The following DDAH1 variants were observed in gnomAD, a reference collection of about 807,000 sequenced individuals.
DDAH1 encodes the protein dimethylarginine dimethylaminohydrolase 1, also known as N(G),N(G)-dimethylarginine dimethylaminohydrolase 1.
Under a neutral mutation model 28.8 loss-of-function variants are expected in DDAH1, and 19 were observed. The ratio of observed to expected loss-of-function variants is 0.66; its 90% CI spans 0.46 to 0.97. The LOEUF is 0.97. Ranked by LOEUF, DDAH1 falls within the 50% of genes least tolerant of loss-of-function variation. The probability of loss-of-function intolerance (pLI) is 0.00; values close to 1 mark genes in which losing one functional copy is unlikely to be tolerated. For missense variants in DDAH1, 326 were observed against 375.9 expected, an observed-to-expected ratio of 0.87 and a Z score of 1.10; for synonymous variants, 153 against 154.4, an observed-to-expected ratio of 0.99 and a Z score of 0.07.
chr1:85,479,083 T>A (rs1466940709), intron 2 of DDAH1, among the ~76,000 whole-genome samples: 1 of 151,974 alleles, frequency 6.6e-6, no homozygotes, highest in Non-Finnish European at 1.5e-5. Context: ...ATTGATTTGC[T>A]ATAGCCCAAG....
chr1:85,355,082 G>A (rs1350133256), intron 2 of DDAH1, among the ~76,000 whole-genome samples: 2 of 152,150 alleles, frequency 1.3e-5, no homozygotes, highest in Non-Finnish European at 2.9e-5. Context: ...TATAGCTATA[G>A]TTGCTGTGAA....
intron 1 of DDAH1, among the ~76,000 whole-genome samples, chr1:85,364,207 C>T (rs1365585691): frequency 2.0e-5 from 3 of 152,266 alleles, no homozygotes; most frequent in African/African-American, 7.2e-5. Context: ...CTCCTGAGGT[C>T]TCATCATAGA....
At chr1:85,573,033 T>G (rs1659504565) in intron 1 of DDAH1, among the ~76,000 whole-genome samples, 1 of 152,238 alleles carries the variant, frequency 6.6e-6, no homozygotes, top group African/African-American at 2.4e-5. Flanking sequence ...CTATGTTAAT[T>G]GCAGTGAAAG....
intron 2 of DDAH1, among the ~76,000 whole-genome samples, chr1:85,482,023 G>A (rs2100717775): frequency 1.3e-5 from 2 of 152,326 alleles, no homozygotes; most frequent in East Asian, 1.9e-4. Flanking sequence ...CCAACTAGGA[G>A]ACACAATAAT....
chr1:85,470,833 T>C (rs751668957), intron 2 of DDAH1, among the ~76,000 whole-genome samples: 2 of 152,164 alleles, frequency 1.3e-5, no homozygotes, highest in African/African-American at 2.4e-5. Context: ...CATCTGGGGT[T>C]TCGTTCATTG....
upstream of DDAH1, among the ~76,000 whole-genome samples, chr1:85,467,930 A>T (rs1655443733): frequency 6.6e-6 from 1 of 152,236 alleles, no homozygotes; most frequent in South Asian, 2.1e-4. Flanking sequence ...AGAGGTATAG[A>T]TAACAAAGTG....
intron 1 of DDAH1, among the ~76,000 whole-genome samples, chr1:85,407,569 T>C (rs561650394): frequency 1.3e-5 from 2 of 152,298 alleles, no homozygotes; most frequent in East Asian, 3.9e-4. Flanking sequence ...AATTAGACAA[T>C]GGCTGCTACT....
At chr1:85,508,830 G>C (rs1309109548) in intron 1 of DDAH1, among the ~76,000 whole-genome samples, 1 of 152,200 alleles carries the variant, frequency 6.6e-6, no homozygotes, top group East Asian at 1.9e-4. Flanking sequence ...GCTCGAACTG[G>C]GTGGAGCCCA....
intron 1 of DDAH1, among the ~76,000 whole-genome samples, chr1:85,568,206 A>T (rs1659359704): frequency 6.6e-6 from 1 of 152,226 alleles, no homozygotes. Flanking sequence ...AAGTGCTTAT[A>T]ATAGAGAGAA....
At chr1:85,350,560 A>G in intron 3 of DDAH1, 26 bp from the exon 4 acceptor site, 1 of 1,607,478 alleles carries the variant, frequency 6.2e-7, no homozygotes, top group Non-Finnish European at 8.5e-7. Context: ...AAAAACAAGC[A>G]GTTTAGTATT....
chr1:85,570,229 C>T (rs1271613544), intron 1 of DDAH1, among the ~76,000 whole-genome samples: 1 of 152,114 alleles, frequency 6.6e-6, no homozygotes, highest in Non-Finnish European at 1.5e-5. Flanking sequence ...TACCACGTGG[C>T]CTCAAAGCCT....
intron 1 of DDAH1, among the ~76,000 whole-genome samples, chr1:85,445,477 A>G (rs1389059542): frequency 6.6e-6 from 1 of 152,242 alleles, no homozygotes; most frequent in African/African-American, 2.4e-5. Context: ...GCCAGACTAT[A>G]TGGCATCAAT....
At chr1:85,442,692 T>A (rs1268888393) in intron 1 of DDAH1, among the ~76,000 whole-genome samples, 2 of 152,192 alleles carry the variant, frequency 1.3e-5, no homozygotes, top group African/African-American at 2.4e-5. Flanking sequence ...CAGCACCTGT[T>A]GTTTCCTGAC....
intron 1 of DDAH1, among the ~76,000 whole-genome samples, chr1:85,419,005 G>C (rs71652699): frequency 6.8e-4 from 103 of 152,212 alleles, no homozygotes; most frequent in Non-Finnish European, 8.1e-4. Flanking sequence ...TAAAAGACTG[G>C]TTCTGCCCAA....
upstream of DDAH1, chr1:85,467,383 C>T (rs1368961078): frequency 6.6e-6 from 1 of 152,218 alleles, no homozygotes; most frequent in Admixed American, 6.5e-5. Flanking sequence ...TCATGTCAGT[C>T]TAGCAGCCAA....
At chr1:85,426,795 C>T (rs1350246000) in intron 1 of DDAH1, among the ~76,000 whole-genome samples, 1 of 151,378 alleles carries the variant, frequency 6.6e-6, no homozygotes, top group Non-Finnish European at 1.5e-5. Context: ...ACCTGTAGTC[C>T]TAGCTACTTG....
chr1:85,420,673 G>C (rs1653097970), intron 1 of DDAH1, among the ~76,000 whole-genome samples: 1 of 152,086 alleles, frequency 6.6e-6, no homozygotes, highest in Non-Finnish European at 1.5e-5. Flanking sequence ...CAGCATTTTG[G>C]TCACAGTCAT....
intron 1 of DDAH1, among the ~76,000 whole-genome samples, chr1:85,392,532 C>T (rs1486597404): frequency 6.6e-6 from 1 of 152,120 alleles, no homozygotes; most frequent in Non-Finnish European, 1.5e-5. Context: ...TGATGGCTCA[C>T]ACCTGTAATC....
intron 1 of DDAH1, among the ~76,000 whole-genome samples, chr1:85,574,893 A>C (rs57272228): frequency 0.62 from 92,034 of 148,044 alleles, 28,604 homozygotes; most frequent in South Asian, 0.8. Context: ...CTCTCTCTCT[A>C]TATATATATA....
Sources: gnomAD v4.1 joint callset for allele counts (sites outside exome capture counted in the v4.1 genomes callset) on GRCh38, gnomAD v4.1.1 for gene constraint, MANE v1.5 for transcripts, NCBI Gene and HGNC (gene_info 2026-07-23, HGNC 2026-07-21) for gene names.